TARBP1: variants seen among roughly 807,000 people sequenced by gnomAD.
The protein encoded by TARBP1 is tRNA guanosine 2 -O-methyltransferase TARBP1, also known as tRNA (guanosine(18)-2'-O)-methyltransferase TARBP1.
In TARBP1, 144 loss-of-function variants were observed where a neutral mutation model predicts 178.6. The observed-to-expected ratio is 0.81, with a 90% CI of 0.70 to 0.93. The LOEUF (loss-of-function observed/expected upper bound fraction) is 0.93. Ranked by LOEUF, TARBP1 falls within the 40% of genes least tolerant of loss-of-function variation. The pLI is 0.00. For synonymous variants in TARBP1, 787 were observed against 781.0 expected (o/e 1.01, Z -0.13); for missense variants, 2,067 against 2,011.7 (o/e 1.03, Z -0.53).
rs548131182 is a variant in TARBP1, at chr1:234,478,494, C to T, written c.610G>A (p.Gly204Arg). Residue 204 changes from glycine (G) to arginine (R), a missense_variant, in exon 1 of 30, where the codon GGG becomes AGG. Physicochemically the swap from Gly to Arg is moderately radical, Grantham distance 125. Transcript: ENST00000040877. ...RLLPVLVQCG[G>R]AALRAVWGGL... ...CCCCACACGGCCCGCAGCGCCGCCC[C>T]GCCACATTGGACCAGCACTGGCAGC... is the stretch of plus-strand genomic sequence containing the variant. 2.2e-6 allele frequency: 3 copies of T among 1,391,734 alleles called. No individual in the cohort carries two copies. The highest frequency in any genetic ancestry group is 2.9e-5 in the South Asian group (2 of 70,118). The allele number at this position is 1,391,734 out of a possible 1,614,324, so 86.2% of individuals were successfully genotyped here. A position where few individuals can be genotyped will look rare whatever the true frequency, so the allele number is the denominator to read the frequency against.
chr1:234,393,727 C>A lies in TARBP1; in HGVS notation c.4354G>T (p.Asp1452Tyr). Residue 1452 changes from aspartate (D) to tyrosine (Y), a missense_variant, in exon 27 of 30, where the codon GAT (aspartate) becomes TAT (tyrosine). By Grantham distance (160) the Asp-to-Tyr change is radical (BLOSUM62 -3). Coordinates refer to ENST00000040877, the MANE Select transcript of TARBP1 (RefSeq NM_005646.4). ...SDLDLELLFQ[D>Y]RAARLGKSIS... Reference sequence around the variant, plus strand: ...GACTTTCCAAGTCTGGCAGCACGATCCTGAAACAGGAGCTCCAGGTCTAAG... The same window carrying A: ...GACTTTCCAAGTCTGGCAGCACGATACTGAAACAGGAGCTCCAGGTCTAAG... The A allele has an allele frequency of 6.2e-7, 1 of 1,613,986 alleles. No homozygotes were observed. The highest frequency in any genetic ancestry group is 8.5e-7 in the Non-Finnish European group (1 of 1,179,990).
Position 234,467,589 on chromosome 1 carries a change from T to A in TARBP1, c.1161A>T (p.Glu387Asp), listed in dbSNP as rs767169346. The change falls in exon 4 of 30, where the codon GAA becomes GAT. Residue 387 changes from glutamate (E) to aspartate (D), a missense_variant. By Grantham distance (45) the Glu-to-Asp change is conservative. Coordinates refer to ENST00000040877, the MANE Select transcript of TARBP1 (RefSeq NM_005646.4). ...CACCTTCTTTGGACAGGATTTTGTT[T>A]TCACTTTCAAACATTCTTTTATAAA... The part of the protein sequence containing the change: ...MCIYKRMFES[E>D]NKILSKEGVI... 6.2e-7 allele frequency: 1 copy of A among 1,610,160 alleles called. No homozygotes were observed. Among genetic ancestry groups the A allele is most frequent in the South Asian group, 1.1e-5 (1 of 90,010 alleles).
At chr1:234,401,544 C>A (rs1014999555) in intron 24 of TARBP1, among the ~76,000 whole-genome samples, 2 of 152,172 alleles carry the variant, frequency 1.3e-5, no homozygotes, top group African/African-American at 4.8e-5. Flanking sequence ...ACCTTTTCTA[C>A]TCCAAAGACT....
chr1:234,472,871 A>G (rs1571887047), intron 1 of TARBP1, 60 bp from the exon 2 acceptor site: 1 of 1,253,530 alleles, frequency 8.0e-7, no homozygotes, highest in East Asian at 2.4e-5. Context: ...AAGTTTCTCA[A>G]TGACAGCAGT....
chr1:234,478,478 GC>G lies in TARBP1; in HGVS notation c.625del (p.Ala209ProfsTer18). ...LVQCGGAALR[A>X]VWGGLAAPGA... ...AGGCGCGGCCAGCCCGCCCCACACG[GC>G]CCGCAGCGCCGCCCCGCCACATTGG... is the stretch of plus-strand genomic sequence containing the variant. On this transcript the variant is annotated frameshift_variant, in exon 1 of 30. Transcript: ENST00000040877. LOFTEE classifies it high-confidence loss of function. 8 of 1,379,192 alleles carry G rather than the reference GC, an allele frequency of 5.8e-6. No individual in the cohort carries two copies. The highest frequency in any genetic ancestry group is 6.6e-6 in the Non-Finnish European group (7 of 1,063,300). 85.4% of individuals were successfully genotyped at this position (1,379,192 alleles called of 1,614,324 possible). A position where few individuals can be genotyped will look rare whatever the true frequency, so the allele number is the denominator to read the frequency against.
At chr1:234,396,564 A>G (rs1659954687) in intron 26 of TARBP1, among the ~76,000 whole-genome samples, 1 of 152,150 alleles carries the variant, frequency 6.6e-6, no homozygotes, top group Admixed American at 6.5e-5. Context: ...TGTGGGCTCT[A>G]TGAGGCAGGG....
intron 3 of TARBP1, among the ~76,000 whole-genome samples, chr1:234,470,620 C>CTT (rs1160690637): frequency 1.4e-5 from 2 of 146,440 alleles, no homozygotes; most frequent in Non-Finnish European, 3.0e-5. Context: ...AAATTGTGTT[C>CTT]TTTTTTTTTT....
intron 23 of TARBP1, chr1:234,407,795 T>C (rs1238632540): frequency 2.6e-5 from 4 of 152,214 alleles, no homozygotes; most frequent in African/African-American, 9.7e-5. Context: ...CTCACATCAC[T>C]GTATGTATAA....
At chr1:234,450,703 T>G in intron 9 of TARBP1, 137 bp from the exon 10 acceptor site, 1 of 987,018 alleles carries the variant, frequency 1.0e-6, no homozygotes, top group Non-Finnish European at 1.5e-6. Context: ...AACCATTTAC[T>G]ATCATACTTG....
At chr1:234,474,887 G>T (rs570768032) in intron 1 of TARBP1, among the ~76,000 whole-genome samples, 101 of 152,318 alleles carry the variant, frequency 6.6e-4, no homozygotes, top group African/African-American at 2.3e-3. Context: ...TGCGGTGGGT[G>T]GGGGGAGCAT....
chr1:234,455,389 G>A (rs1302210222), intron 9 of TARBP1, among the ~76,000 whole-genome samples: 1 of 152,152 alleles, frequency 6.6e-6, no homozygotes, highest in Non-Finnish European at 1.5e-5. Context: ...AAAGCCACAA[G>A]ACTGGACAAC....
intron 1 of TARBP1, among the ~76,000 whole-genome samples, chr1:234,476,613 A>T (rs143275997): frequency 0.016 from 2,456 of 152,334 alleles, 37 homozygotes; most frequent in South Asian, 0.043. Flanking sequence ...AAAACGTCAA[A>T]ATCATATGAA....
Position 234,479,151 on chromosome 1 carries a change from G to A in TARBP1, c.-48C>T, listed in dbSNP as rs762655222. ...GCCCGGGCTCCCAAAGGAAGGCGCC[G>A]GCGTGTGCGATGCGTGCGCACAGGA... On this transcript the variant is annotated 5_prime_UTR_variant, in exon 1 of 30. Coordinates refer to ENST00000040877, the MANE Select transcript of TARBP1 (RefSeq NM_005646.4). The A allele has an allele frequency of 1.4e-6, 2 of 1,461,524 alleles. No homozygotes were observed. Among genetic ancestry groups the A allele is most frequent in the Non-Finnish European group, 1.8e-6 (2 of 1,119,430 alleles). The allele number at this position is 1,461,524 out of a possible 1,614,324, so 90.5% of individuals were successfully genotyped here.
At chr1:234,397,115 G>A (rs1348168656) in intron 26 of TARBP1, among the ~76,000 whole-genome samples, 3 of 143,388 alleles carry the variant, frequency 2.1e-5, no homozygotes, top group Non-Finnish European at 3.0e-5. Flanking sequence ...AGACTGATAG[G>A]AAGATAGCCT....
intron 13 of TARBP1, 143 bp downstream of exon 13, chr1:234,437,132 A>G: frequency 2.3e-6 from 1 of 431,254 alleles, no homozygotes; most frequent in South Asian, 5.4e-5. Context: ...CCCAAAGTCT[A>G]AGGTTTTTTT....
chr1:234,433,089 T>C (rs1572306512), intron 14 of TARBP1, among the ~76,000 whole-genome samples: 1 of 151,946 alleles, frequency 6.6e-6, no homozygotes, highest in East Asian at 1.9e-4. Context: ...AATAGAAAAA[T>C]TAGCCAGCCA....
intron 28 of TARBP1, 177 bp from the exon 29 acceptor site, chr1:234,392,729 G>A: frequency 2.6e-6 from 1 of 389,706 alleles, no homozygotes; most frequent in Non-Finnish European, 4.1e-6. Context: ...TTTTTTTTTT[G>A]AGGTGGAGTC....
intron 19 of TARBP1, among the ~76,000 whole-genome samples, chr1:234,426,395 A>C (rs2103115727): frequency 6.6e-6 from 1 of 152,340 alleles, no homozygotes; most frequent in South Asian, 2.1e-4. Context: ...GTAACTGCCT[A>C]GTAGAAATCA....
At chr1:234,414,978 T>C (rs1662255960) in intron 22 of TARBP1, among the ~76,000 whole-genome samples, 1 of 151,798 alleles carries the variant, frequency 6.6e-6, no homozygotes, top group Non-Finnish European at 1.5e-5. Flanking sequence ...AGCGAGACTC[T>C]GTCTCAAAAA....
Sources: allele counts gnomAD v4.1 joint callset (sites outside exome capture counted in the v4.1 genomes callset), GRCh38; gene constraint gnomAD v4.1.1; transcripts MANE v1.5; gene names NCBI Gene and HGNC (gene_info 2026-07-23, HGNC 2026-07-21).